Variants in SYNJ2 observed in about 807,000 individuals in gnomAD.
The protein encoded by SYNJ2 is synaptojanin 2.
SYNJ2 carries 116 observed loss-of-function variants against 141.3 expected under a neutral mutation model. The observed-to-expected ratio is 0.82, with a 90% CI of 0.71 to 0.96. The LOEUF (loss-of-function observed/expected upper bound fraction) is 0.96, where lower values mean the gene tolerates loss of function less well. Among genes scored for constraint, SYNJ2 ranks in the 40% least tolerant of loss-of-function variants. The probability of loss-of-function intolerance (pLI) is 0.00; values close to 1 mark genes in which losing one functional copy is unlikely to be tolerated. For missense variants in SYNJ2, 1,873 were observed against 1,934.8 expected (o/e 0.97, Z 0.60); for synonymous variants, 745 against 777.7 (o/e 0.96, Z 0.70).
chr6:158,032,132 C>T (rs1157184629), intron 3 of SYNJ2, among the ~76,000 whole-genome samples: 1 of 152,032 alleles, frequency 6.6e-6, no homozygotes, highest in Non-Finnish European at 1.5e-5. Flanking sequence ...GGGCTGTGCT[C>T]CCTGTGGGGG....
At chr6:158,066,273 C>T (rs564695583) in intron 11 of SYNJ2, among the ~76,000 whole-genome samples, 171 bp from the exon 12 acceptor site, 7 of 152,188 alleles carry the variant, frequency 4.6e-5, no homozygotes, top group South Asian at 2.1e-4. Context: ...AGGGAAGCCC[C>T]GTGGTGACCG....
chr6:158,096,329 G>A lies in SYNJ2; in HGVS notation c.4456G>A (p.Ala1486Thr), dbSNP rs1783799582. 6.2e-7 allele frequency: 1 copy of A among 1,612,220 alleles called. No homozygotes were observed. The highest frequency in any genetic ancestry group is 8.5e-7 in the Non-Finnish European group (1 of 1,179,526). Residue 1486 changes from alanine to threonine, a missense_variant, in exon 27 of 27, where the codon GCA becomes ACA. Transcript: ENST00000355585. ...VTISDQEKRT[A>T]LQVFDPLAKT Reference sequence around the variant, plus strand: ...AATCAGTGACCAAGAAAAGAGGACAGCACTGCAGGTGTTTGACCCACTGGC... The same window carrying A: ...AATCAGTGACCAAGAAAAGAGGACAACACTGCAGGTGTTTGACCCACTGGC...
chr6:157,989,465 T>TATATAC (rs1777332606), intron 1 of SYNJ2, among the ~76,000 whole-genome samples: 1 of 114,354 alleles, frequency 8.7e-6, no homozygotes, highest in Admixed American at 9.2e-5. Context: ...TATATATATA[T>TATATAC]ATGGAAAAAG....
At chr6:158,075,992 A>T (rs144868705) in intron 16 of SYNJ2, among the ~76,000 whole-genome samples, 1,567 of 145,222 alleles carry the variant, frequency 0.011, 31 homozygotes, top group African/African-American at 0.038. Flanking sequence ...GGAGTTTGAG[A>T]CCAGCCTGGG....
rs1302094853 is a variant in SYNJ2 at position 158,054,971 on chromosome 6, G to T, written c.800G>T (p.Gly267Val). 6.2e-7 allele frequency: 1 copy of T among 1,613,882 alleles called. No homozygotes were observed. Among genetic ancestry groups the T allele is most frequent in the African/African-American group, 1.3e-5 (1 of 74,922 alleles). Residue 267 changes from glycine to valine, a missense_variant, in exon 6 of 27, where the codon GGC (glycine) becomes GTC (valine). Transcript: ENST00000355585. ...TGTTACTTCTCTTTGCTTTAGGTTG[G>T]CTCCCATCATCTGAGACTCCACAGA... ...LFWEQPGLQVGSHHLRLHRGL... is the reference protein window; with the variant it reads ...LFWEQPGLQVVSHHLRLHRGL...
At chr6:158,065,033 G>A (rs367810588) in intron 11 of SYNJ2, 42 bp downstream of exon 11, 2 of 1,482,380 alleles carry the variant, frequency 1.3e-6, no homozygotes, top group African/African-American at 2.8e-5. Flanking sequence ...GAGGTAGGGT[G>A]CTCCCCAGCC....
rs568759089 is a variant in SYNJ2, at chr6:158,014,566, G to T, written c.128-2638G>T. 2.0e-3 allele frequency among the ~76,000 whole-genome samples: 307 copies of T among 152,372 alleles called. 1 individual carries two copies. Among genetic ancestry groups the T allele is most frequent in the African/African-American group, 6.7e-3 (280 of 41,584 alleles). On this transcript the variant is annotated intron_variant, in intron 1 of 26. Coordinates refer to ENST00000355585, the MANE Select transcript of SYNJ2 (RefSeq NM_003898.4). ...AGTTGTTGGCCTCTCCAGCTACGCT[G>T]GTAATCAGTCCTGCTCTTTAAATCA...
chr6:158,009,835 C>G (rs9364741), intron 1 of SYNJ2, among the ~76,000 whole-genome samples: 90,811 of 152,078 alleles, frequency 0.6, 27,459 homozygotes, highest in Middle Eastern at 0.74. Context: ...CAGCCTGGCA[C>G]CACTGGGCTG....
In SYNJ2 at chr6:158,089,915, C is replaced by G. The variant is rs376847776; in HGVS notation, c.3533C>G (p.Ala1178Gly). The G allele has an allele frequency of 1.2e-6, 2 of 1,613,972 alleles. No homozygotes were observed. The highest frequency in any genetic ancestry group is 2.7e-5 in the African/African-American group (2 of 74,922). ...ACCACCAATGCCCAGGAGGCAGAAG[C>G]AGCAATCCGGTGTCTCCTGGAAGCC... is the stretch of plus-strand genomic sequence containing the variant. The part of the protein sequence containing the change: ...IKTTNAQEAE[A>G]AIRCLLEARG... The change falls in exon 25 of 27, where the codon GCA becomes GGA. Residue 1178 changes from alanine to glycine, a missense_variant. Physicochemically the swap from Ala to Gly is moderately conservative, Grantham distance 60. Transcript: ENST00000355585.
chr6:157,983,257 C>T (rs1777079680), intron 1 of SYNJ2, among the ~76,000 whole-genome samples: 1 of 152,214 alleles, frequency 6.6e-6, no homozygotes, highest in Admixed American at 6.5e-5. Flanking sequence ...CCAGCTTGTT[C>T]TCAGTCACTT....
intron 1 of SYNJ2, among the ~76,000 whole-genome samples, chr6:157,994,138 TCTGTCTGTTTAAA>T (rs1469955782): frequency 6.6e-6 from 1 of 152,158 alleles, no homozygotes; most frequent in Non-Finnish European, 1.5e-5. Flanking sequence ...GTCTTTTTTA[TCTGTCTGTTTAAA>T]CTGTCTGTTT....
intron 1 of SYNJ2, among the ~76,000 whole-genome samples, chr6:158,007,909 C>T (rs1242717785): frequency 1.3e-5 from 2 of 152,196 alleles, no homozygotes; most frequent in African/African-American, 4.8e-5. Flanking sequence ...CTGTCTCAGC[C>T]TCCCAAATAG....
rs533128893 is a variant in SYNJ2, at chr6:158,099,071, A to G, written c.*2707A>G. On this transcript the variant is annotated 3_prime_UTR_variant, in exon 27 of 27. Transcript: ENST00000355585. ...TTCATTGGGAAGGAAAGCTGCAAAG[A>G]TTATTGGGGGACTAGTGATTAATAA... 3.3e-5 allele frequency: 5 copies of G among 152,328 alleles called. No homozygotes were observed. The highest frequency in any genetic ancestry group is 3.3e-4 in the Admixed American group (5 of 15,306). 9.4% of individuals were successfully genotyped at this position (152,328 alleles called of 1,614,324 possible).
At chr6:157,985,785 G>A (rs376730698) in intron 1 of SYNJ2, among the ~76,000 whole-genome samples, 18 of 152,270 alleles carry the variant, frequency 1.2e-4, no homozygotes, top group Non-Finnish European at 2.4e-4. Context: ...GCCTCCTGCC[G>A]CCCAGCCGGG....
At chr6:158,089,986 C>T in intron 25 of SYNJ2, 39 bp downstream of exon 25, 1 of 1,443,908 alleles carries the variant, frequency 6.9e-7, no homozygotes, top group South Asian at 1.2e-5. Context: ...AACCAATTCT[C>T]CTTTTCTTTT....
chr6:158,017,903 C>A, intron 2 of SYNJ2: 1 of 415,540 alleles, frequency 2.4e-6, no homozygotes, highest in South Asian at 1.8e-5. Context: ...CCGGCGAGGG[C>A]CTAAGTGTTT....
At chr6:157,985,121 G>A (rs1299044262) in intron 1 of SYNJ2, among the ~76,000 whole-genome samples, 1 of 152,234 alleles carries the variant, frequency 6.6e-6, no homozygotes, top group Non-Finnish European at 1.5e-5. Flanking sequence ...CGAAGGGGCT[G>A]GGTGGTTCCT....
intron 12 of SYNJ2, chr6:158,067,625 G>T: frequency 1.0e-6 from 1 of 985,384 alleles, no homozygotes; most frequent in Non-Finnish European, 1.2e-6. Flanking sequence ...TTTGCCTGTT[G>T]GTGAGTGACC....
chr6:158,082,789 G>C (rs2128390504), intron 20 of SYNJ2, among the ~76,000 whole-genome samples: 1 of 150,192 alleles, frequency 6.7e-6, no homozygotes, highest in East Asian at 2.0e-4. Flanking sequence ...TACTTGATCT[G>C]TCTATGCTCG....
Sources: allele counts gnomAD v4.1 joint callset (sites outside exome capture counted in the v4.1 genomes callset), GRCh38; gene constraint gnomAD v4.1.1; transcripts MANE v1.5; gene names NCBI Gene and HGNC (gene_info 2026-07-23, HGNC 2026-07-21).